Variants in CDC42BPB observed in about 807,000 individuals in gnomAD.
CDC42BPB encodes serine/threonine-protein kinase MRCK beta.
CDC42BPB carries 37 observed loss-of-function variants against 214.9 expected under a neutral mutation model. The observed-to-expected ratio is 0.17, with a 90% CI of 0.13 to 0.23. CDC42BPB has a LOEUF of 0.23. CDC42BPB is among the 10% of genes least tolerant of loss of function. The probability of loss-of-function intolerance (pLI) is 1.00; values close to 1 mark genes in which losing one functional copy is unlikely to be tolerated. For synonymous variants in CDC42BPB, 931 were observed against 884.0 expected, an observed-to-expected ratio of 1.05 and a Z score of -0.94; for missense variants, 1,694 against 2,227.0, an observed-to-expected ratio of 0.76 and a Z score of 4.82.
intron 3 of CDC42BPB, among the ~76,000 whole-genome samples, chr14:103,007,299 G>C (rs1307732641): frequency 6.6e-6 from 1 of 152,266 alleles, no homozygotes; most frequent in Middle Eastern, 3.4e-3. Flanking sequence ...GGTGCAGAGC[G>C]GGGGAGGGAA....
chr14:102,959,577 A>G lies in CDC42BPB; in HGVS notation c.2901+54T>C, dbSNP rs1892863726. The G allele has an allele frequency of 1.5e-5, 18 of 1,238,478 alleles. 1 individual carries two copies. Among genetic ancestry groups the G allele is most frequent in the Admixed American group, 4.0e-5 (2 of 50,612 alleles). The allele number at this position is 1,238,478 out of a possible 1,614,324, so 76.7% of individuals were successfully genotyped here. A position where few individuals can be genotyped will look rare whatever the true frequency, so the allele number is the denominator to read the frequency against. ...GAGTGGTAAAATCATATATGACACT[A>G]TTTCTAACTTATCATAAACTCATCT... On this transcript the variant is annotated intron_variant, in intron 21 of 36. Transcript: ENST00000361246.
intron 8 of CDC42BPB, 145 bp downstream of exon 8, chr14:102,980,628 T>A: frequency 1.4e-6 from 1 of 713,038 alleles, no homozygotes; most frequent in South Asian, 1.9e-5. Flanking sequence ...AGGACCCAGC[T>A]GAAGGCTGGA....
chr14:102,997,990 C>CA, intron 5 of CDC42BPB, among the ~76,000 whole-genome samples: 1 of 152,178 alleles, frequency 6.6e-6, no homozygotes, highest in Non-Finnish European at 1.5e-5. Flanking sequence ...ACTAAAAATA[C>CA]AAAAAAATTA....
At position 103,029,807 on chromosome 14, in the gene CDC42BPB, C is replaced by T. The variant is rs529804636; in HGVS notation, c.176-17619G>A. The stretch of plus-strand genomic sequence containing the variant: ...CCAGGAGGCGGAGGTTGCAGTGAGC[C>T]GAGATCGCGCCACTGCACTCCAGCC... On this transcript the variant is annotated intron_variant, in intron 1 of 36. Transcript: ENST00000361246. Among the ~76,000 whole-genome samples the T allele has an allele frequency of 4.0e-4, 55 of 139,120 alleles. No homozygotes were observed. In the South Asian group the frequency reaches 0.011, roughly 28 times the overall value. 91.3% of individuals were successfully genotyped at this position (139,120 alleles called of 152,430 possible). A position where few individuals can be genotyped will look rare whatever the true frequency, so the allele number is the denominator to read the frequency against.
chr14:102,933,236 T>C lies in CDC42BPB; in HGVS notation c.*476A>G, dbSNP rs1178430101. ...AAAGGCCACAGACTAACCTCCACTT[T>C]CCTGTCTTCAAAATTCTAGTGACAC... On this transcript the variant is annotated 3_prime_UTR_variant, in exon 37 of 37. Transcript: ENST00000361246. The C allele has an allele frequency of 6.5e-6, 1 of 153,656 alleles. No individual in the cohort carries two copies. Among genetic ancestry groups the C allele is most frequent in the Non-Finnish European group, 1.4e-5 (1 of 69,016 alleles). The allele number at this position is 153,656 out of a possible 1,614,324, so 9.5% of individuals were successfully genotyped here.
chr14:103,037,442 C>T (rs1173809348), intron 1 of CDC42BPB, among the ~76,000 whole-genome samples: 1 of 152,170 alleles, frequency 6.6e-6, no homozygotes, highest in Non-Finnish European at 1.5e-5. Context: ...TACAGGTGTG[C>T]ACCACCATGC....
chr14:102,941,091 CACG>C lies in CDC42BPB; in HGVS notation c.4409-770_4409-768del, dbSNP rs35072489. Reference sequence around the variant, plus strand: ...GAAGAGCAGTGACACAGCTGTGCCACACGACAAGGGAGCGGTGTGCGTCTTCCG... The same window carrying C: ...GAAGAGCAGTGACACAGCTGTGCCACACAAGGGAGCGGTGTGCGTCTTCCG... On this transcript the variant is annotated intron_variant, in intron 30 of 36. Transcript: ENST00000361246. The C allele has an allele frequency of 2.4e-3, 2,401 of 981,726 alleles. 55 individuals are homozygous for C. The African/African-American group carries it at 0.04, about 16-fold the overall frequency. 60.8% of individuals were successfully genotyped at this position (981,726 alleles called of 1,614,324 possible).
intron 5 of CDC42BPB, among the ~76,000 whole-genome samples, chr14:102,991,782 A>G (rs1375212978): frequency 6.6e-6 from 1 of 152,216 alleles, no homozygotes; most frequent in African/African-American, 2.4e-5. Flanking sequence ...AAATTTTTTA[A>G]GTTTGAAATT....
chr14:102,944,324 G>A lies in CDC42BPB; in HGVS notation c.3975C>T (p.Thr1325=). The A allele has an allele frequency of 6.2e-7, 1 of 1,613,104 alleles. No individual in the cohort carries two copies. Among genetic ancestry groups the A allele is most frequent in the Non-Finnish European group, 8.5e-7 (1 of 1,180,010 alleles). The change falls in exon 30 of 37, where the codon ACC becomes ACT. Residue 1325 remains threonine, a synonymous_variant. Transcript: ENST00000361246. This position sits in a 1 kb window ranked among gnomAD's most constrained non-coding sequence, Gnocchi z 6.6. ...CCGTGGCCATGAGCTGGCAGCCTTTGGTTTCCGGAAGCTTGATGTCAAAGC... is the reference window on the plus strand; with the variant it reads ...CCGTGGCCATGAGCTGGCAGCCTTTAGTTTCCGGAAGCTTGATGTCAAAGC... ...EGSFDIKLPE[T]KGCQLMATAT... is the part of the protein sequence containing the mutation.
chr14:102,979,572 C>T (rs12892877), intron 8 of CDC42BPB, among the ~76,000 whole-genome samples: 2,303 of 152,238 alleles, frequency 0.015, 24 homozygotes, highest in Non-Finnish European at 0.025. Flanking sequence ...AACCTCTGCT[C>T]CTCCCACTAA....
Position 103,037,495 on chromosome 14 carries a change from T to C in CDC42BPB, c.175+19504A>G, listed in dbSNP as rs34621171. The stretch of plus-strand genomic sequence containing the variant: ...AATTTGTAGAATCGGGGCCTTGCTA[T>C]GTCGCTCAGGCTTATTTTCATAATT... On this transcript the variant is annotated intron_variant, in intron 1 of 36. Coordinates refer to ENST00000361246, the MANE Select transcript of CDC42BPB (RefSeq NM_006035.4). 1.2e-3 allele frequency among the ~76,000 whole-genome samples: 177 copies of C among 152,318 alleles called. 3 individuals are homozygous for C. In the East Asian group the frequency reaches 0.031, roughly 27 times the overall value.
chr14:103,041,784 C>A (rs976770388), intron 1 of CDC42BPB: 3 of 465,388 alleles, frequency 6.4e-6, no homozygotes, highest in African/African-American at 6.1e-5. Flanking sequence ...ACGAGTCCAC[C>A]GAGTCCCTGC....
intron 1 of CDC42BPB, among the ~76,000 whole-genome samples, chr14:103,032,656 G>A (rs1262705053): frequency 5.8e-5 from 8 of 138,152 alleles, no homozygotes; most frequent in South Asian, 2.3e-4. Flanking sequence ...TTTTTGAGAC[G>A]GAGTCTCGCT....
intron 20 of CDC42BPB, 117 bp downstream of exon 20, chr14:102,962,944 G>C (rs1382828240): frequency 5.4e-6 from 3 of 554,926 alleles, no homozygotes; most frequent in Non-Finnish European, 9.5e-6. Context: ...GGAAAATACT[G>C]AATTTGGAAT....
intron 2 of CDC42BPB, chr14:103,008,794 C>T (rs1158428453): frequency 2.0e-6 from 1 of 495,236 alleles, no homozygotes; most frequent in Non-Finnish European, 2.6e-6. Context: ...CCCTTTATGG[C>T]TCGGGTTCCA....
chr14:102,965,860 G>A (rs1893178114), intron 18 of CDC42BPB, among the ~76,000 whole-genome samples: 1 of 152,232 alleles, frequency 6.6e-6, no homozygotes, highest in South Asian at 2.1e-4. Context: ...GGGGGGCTGA[G>A]GCAGGAGAAT....
rs529098227 is a variant in CDC42BPB, at chr14:102,943,605, C to T, written c.4408+286G>A. 2.0e-5 allele frequency among the ~76,000 whole-genome samples: 3 copies of T among 151,922 alleles called. No individual in the cohort carries two copies. The highest frequency in any genetic ancestry group is 4.2e-4 in the South Asian group (2 of 4,768). On this transcript the variant is annotated intron_variant, in intron 30 of 36. Coordinates refer to ENST00000361246, the MANE Select transcript of CDC42BPB (RefSeq NM_006035.4). The surrounding 1 kb of genome is among the most constrained non-coding windows in gnomAD (Gnocchi z 4.6). Reference sequence around the variant, plus strand: ...CCCGTTCTCGGTTCGCCGAGCCCTTCTGCCCAGGGGCCTATGCCCGCCGAC... The same window carrying T: ...CCCGTTCTCGGTTCGCCGAGCCCTTTTGCCCAGGGGCCTATGCCCGCCGAC...
intron 34 of CDC42BPB, among the ~76,000 whole-genome samples, 173 bp downstream of exon 34, chr14:102,939,437 T>G (rs929574247): frequency 5.3e-5 from 8 of 152,204 alleles, no homozygotes; most frequent in Non-Finnish European, 2.9e-5. Context: ...ACAGGGTAAG[T>G]GCTCGTGAAC....
At chr14:103,008,901 A>G (rs771007263) in intron 2 of CDC42BPB, among the ~76,000 whole-genome samples, 9 of 152,264 alleles carry the variant, frequency 5.9e-5, no homozygotes, top group Non-Finnish European at 8.8e-5. Context: ...TGTGGGGCAC[A>G]GTCAGCACTC....
Sources: gnomAD v4.1 joint callset for allele counts (sites outside exome capture counted in the v4.1 genomes callset) on GRCh38, gnomAD v4.1.1 for gene constraint, Gnocchi (gnomAD v3.1) non-coding constraint, MANE v1.5 for transcripts, NCBI Gene and HGNC (gene_info 2026-07-23, HGNC 2026-07-21) for gene names.